The following DSE variants were observed in gnomAD, a reference collection of about 807,000 sequenced individuals.
DSE encodes the protein dermatan-sulfate epimerase.
In DSE, 36 loss-of-function variants were observed where a neutral mutation model predicts 84.4. The ratio of observed to expected loss-of-function variants is 0.43; its 90% CI spans 0.33 to 0.56. The LOEUF (loss-of-function observed/expected upper bound fraction) is 0.56. Ranked by LOEUF, DSE falls within the 20% of genes least tolerant of loss-of-function variation. DSE has a pLI of 0.06. For missense variants in DSE, 862 were observed against 1,169.6 expected (o/e 0.74, Z 3.84); for synonymous variants, 410 against 430.1 (o/e 0.95, Z 0.58).
chr6:116,422,420 C>A (rs938405323), intron 2 of DSE, among the ~76,000 whole-genome samples: 1 of 152,212 alleles, frequency 6.6e-6, no homozygotes, highest in Non-Finnish European at 1.5e-5. Flanking sequence ...TCTGTGCTAA[C>A]ACCCAAATTG....
Position 116,442,687 on chromosome 6 carries a change from T to G in DSE, c.*5342T>G, listed in dbSNP as rs561357382. ...AAGCAGGGAGGCTATTGTGCAGGAC[T>G]TTGTAGGACATGCTAAGGAATCTGG... is the stretch of plus-strand genomic sequence containing the variant. On this transcript the variant is annotated 3_prime_UTR_variant, in exon 6 of 6. Transcript: ENST00000644252. The G allele has an allele frequency of 3.3e-5, 5 of 152,280 alleles. No homozygotes were observed. In the East Asian group the frequency reaches 7.8e-4, roughly 24 times the overall value. The allele number at this position is 152,280 out of a possible 1,614,324, so 9.4% of individuals were successfully genotyped here. A position where few individuals can be genotyped will look rare whatever the true frequency, so the allele number is the denominator to read the frequency against.
At chr6:116,298,513 G>C (rs893809761) in intron 2 of DSE, among the ~76,000 whole-genome samples, 1 of 152,196 alleles carries the variant, frequency 6.6e-6, no homozygotes, top group Non-Finnish European at 1.5e-5. Context: ...GCAGCATCTA[G>C]AAGCTAGAAA....
rs1344672578 is a variant in DSE at position 116,435,867 on chromosome 6, T to G, written c.1399T>G (p.Phe467Val). ...TACTTTTGCTCCCAATGGTGTGCCT[T>G]TCATTACTGAGGCTCTGTACGGGCC... Reference protein sequence around the residue: ...SFTFAPNGVPFITEALYGPKY... With the variant: ...SFTFAPNGVPVITEALYGPKY... Residue 467 changes from phenylalanine to valine, a missense_variant, in exon 6 of 6, where the codon TTC (phenylalanine) becomes GTC (valine). Around this residue, in one of 4 missense-constraint regions of DSE, gnomAD observed 186 missense variants for 255.1 expected, o/e 0.73. Transcript: ENST00000644252. 1.2e-6 allele frequency: 2 copies of G among 1,614,082 alleles called. No individual in the cohort carries two copies. Among genetic ancestry groups the G allele is most frequent in the Non-Finnish European group, 1.7e-6 (2 of 1,180,032 alleles).
intron 2 of DSE, among the ~76,000 whole-genome samples, chr6:116,408,313 G>C (rs943042508): frequency 1.3e-5 from 2 of 152,266 alleles, no homozygotes; most frequent in East Asian, 3.9e-4. Context: ...TGTTTTGCCT[G>C]CACTGCAATT....
intron 1 of DSE, chr6:116,375,538 T>A (rs1401724375): frequency 1.0e-6 from 1 of 985,110 alleles, no homozygotes; most frequent in African/African-American, 1.7e-5. Flanking sequence ...AATAAATGTA[T>A]CCCAAATTTC....
chr6:116,432,450 A>G (rs1195955280), intron 4 of DSE: 1 of 152,244 alleles, frequency 6.6e-6, no homozygotes, highest in East Asian at 1.9e-4. Context: ...TTCACAGACT[A>G]GTAGAAGATT....
intron 2 of DSE, among the ~76,000 whole-genome samples, chr6:116,269,994 GAC>G (rs1491046831): frequency 6.6e-6 from 1 of 152,020 alleles, no homozygotes; most frequent in African/African-American, 2.4e-5. Context: ...AGATGAAGAA[GAC>G]ACAGTCTTCT....
chr6:116,309,627 T>C (rs1314873383), intron 2 of DSE, among the ~76,000 whole-genome samples: 1 of 152,222 alleles, frequency 6.6e-6, no homozygotes, highest in Non-Finnish European at 1.5e-5. Flanking sequence ...AGCAGATACT[T>C]ATTTCTAACA....
chr6:116,325,978 A>G (rs1583022282), intron 2 of DSE, among the ~76,000 whole-genome samples: 1 of 152,290 alleles, frequency 6.6e-6, no homozygotes. Flanking sequence ...CGCACCAGTA[A>G]TTAGATTGGA....
At chr6:116,349,551 T>A (rs866193828) in intron 2 of DSE, among the ~76,000 whole-genome samples, 4 of 152,226 alleles carry the variant, frequency 2.6e-5, no homozygotes, top group Non-Finnish European at 5.9e-5. Flanking sequence ...GACTACAGCC[T>A]CAGACTAGTA....
chr6:116,280,884 G>T (rs1192599147), intron 2 of DSE, among the ~76,000 whole-genome samples: 1 of 152,234 alleles, frequency 6.6e-6, no homozygotes, highest in Non-Finnish European at 1.5e-5. Flanking sequence ...GCAACATGCA[G>T]CTGGTGGACT....
chr6:116,365,851 TG>T (rs201670746), upstream of DSE, among the ~76,000 whole-genome samples: 957 of 152,296 alleles, frequency 6.3e-3, 13 homozygotes, highest in South Asian at 0.038. Context: ...ACAGAAGGCT[TG>T]ATTTCCAAAC....
intron 2 of DSE, among the ~76,000 whole-genome samples, chr6:116,405,237 G>T (rs1219299612): frequency 6.6e-6 from 1 of 152,080 alleles, no homozygotes; most frequent in Non-Finnish European, 1.5e-5. Context: ...CTGTTTCTCG[G>T]GTTTTTCACT....
At chr6:116,257,489 C>T (rs113632432) in intron 1 of DSE, among the ~76,000 whole-genome samples, 32 of 152,308 alleles carry the variant, frequency 2.1e-4, no homozygotes, top group African/African-American at 7.5e-4. Flanking sequence ...TTTTCCTTTA[C>T]CTGTCTTAGT....
In DSE at chr6:116,441,594, G is replaced by C. The variant is rs937546053; in HGVS notation, c.*4249G>C. On this transcript the variant is annotated 3_prime_UTR_variant, in exon 6 of 6. Coordinates refer to ENST00000644252, the MANE Select transcript of DSE (RefSeq NM_013352.4). ...GATAATAGGTGCTATGGAAGGAAAA[G>C]TCAGGGTAAGGAGACTGGGAAGAGG... The C allele has an allele frequency of 6.6e-6, 1 of 152,166 alleles. No homozygotes were observed. Among genetic ancestry groups the C allele is most frequent in the African/African-American group, 2.4e-5 (1 of 41,450 alleles). 9.4% of individuals were successfully genotyped at this position (152,166 alleles called of 1,614,324 possible). A position where few individuals can be genotyped will look rare whatever the true frequency, so the allele number is the denominator to read the frequency against.
intron 2 of DSE, among the ~76,000 whole-genome samples, chr6:116,339,872 C>T (rs1443964270): frequency 6.6e-6 from 1 of 152,134 alleles, no homozygotes; most frequent in Non-Finnish European, 1.5e-5. Context: ...AGGTTATTAA[C>T]CAGGCAATAG....
chr6:116,432,688 T>C (rs1378180958), intron 4 of DSE: 2 of 152,142 alleles, frequency 1.3e-5, no homozygotes, highest in South Asian at 4.1e-4. Flanking sequence ...ATCTTGCTGC[T>C]TCTTTTTTCA....
intron 2 of DSE, among the ~76,000 whole-genome samples, chr6:116,357,429 G>C (rs183912777): frequency 1.3e-5 from 2 of 152,166 alleles, no homozygotes; most frequent in East Asian, 3.9e-4. Flanking sequence ...CTACACAGGA[G>C]GCTGAGGCAG....
chr6:116,290,594 T>C (rs931967140), intron 2 of DSE, among the ~76,000 whole-genome samples: 1 of 152,128 alleles, frequency 6.6e-6, no homozygotes, highest in Admixed American at 6.6e-5. Flanking sequence ...AATAAATATT[T>C]TATTAATTTG....
Sources: gnomAD v4.1 joint callset for allele counts (sites outside exome capture counted in the v4.1 genomes callset) on GRCh38, gnomAD v4.1.1 for gene constraint, gnomAD v4.1.1 regional missense constraint, MANE v1.5 for transcripts, NCBI Gene and HGNC (gene_info 2026-07-23, HGNC 2026-07-21) for gene names.